SDK1: variants seen among roughly 807,000 people sequenced by gnomAD.
SDK1 encodes the protein protein sidekick-1.
Under a neutral mutation model 245.5 loss-of-function variants are expected in SDK1, and 157 were observed. That is an observed-to-expected ratio of 0.64 (90% CI 0.56 to 0.73). The LOEUF is 0.73. Ranked by LOEUF, SDK1 falls within the 30% of genes least tolerant of loss-of-function variation. SDK1 has a pLI of 0.00. For missense variants in SDK1, 3,583 were observed against 3,002.3 expected, an observed-to-expected ratio of 1.19 and a Z score of -4.52; for synonymous variants, 1,647 against 1,278.5, an observed-to-expected ratio of 1.29 and a Z score of -6.15.
chr7:4,174,359 T>A lies in SDK1; in HGVS notation c.4936+2T>A. ...TAGCTTTACATGCTGAGCTCACAGG[T>A]GAGACTGTCCCCTCTGTCCTGGTAC... is the stretch of plus-strand genomic sequence containing the variant. On this transcript the variant is annotated splice_donor_variant, in intron 33 of 44. Coordinates refer to ENST00000404826, the MANE Select transcript of SDK1 (RefSeq NM_152744.4). LOFTEE classifies it high-confidence loss of function. The A allele has an allele frequency of 6.2e-7, 1 of 1,613,566 alleles. No individual in the cohort carries two copies. Among genetic ancestry groups the A allele is most frequent in the Non-Finnish European group, 8.5e-7 (1 of 1,179,654 alleles).
intron 1 of SDK1, among the ~76,000 whole-genome samples, chr7:3,303,865 G>T (rs1051399918): frequency 6.6e-6 from 1 of 152,104 alleles, no homozygotes; most frequent in Admixed American, 6.5e-5. Context: ...ATTTCTGATG[G>T]GATGATGAGT....
In SDK1 at chr7:3,422,292, GA is replaced by G. The variant is rs533197980; in HGVS notation, c.298+120418del. Reference sequence around the variant, plus strand: ...TTATTCTAACTTTGAATCCTTTCAGGAAAAAAAAAATTTAGAAAATACTTAA... The same window carrying G: ...TTATTCTAACTTTGAATCCTTTCAGGAAAAAAAAATTTAGAAAATACTTAA... On this transcript the variant is annotated intron_variant, in intron 1 of 44. Transcript: ENST00000404826. 2.0e-3 allele frequency among the ~76,000 whole-genome samples: 303 copies of G among 150,070 alleles called. 6 individuals are homozygous for G. The highest frequency in any genetic ancestry group is 2.5e-3 in the South Asian group (12 of 4,734).
intron 5 of SDK1, among the ~76,000 whole-genome samples, chr7:3,822,971 G>A (rs1779683339): frequency 6.6e-6 from 1 of 152,060 alleles, no homozygotes; most frequent in Admixed American, 6.5e-5. Context: ...TGGCCGTGAT[G>A]TGCTGTCATC....
rs962659036 is a variant in SDK1 at position 3,349,156 on chromosome 7, C to A, written c.298+47272C>A. On this transcript the variant is annotated intron_variant, in intron 1 of 44. Coordinates refer to ENST00000404826, the MANE Select transcript of SDK1 (RefSeq NM_152744.4). ...TTCTGCTGCCTCCTTCCTCAGTCCC[C>A]CATTGCCTTCAGCTGCCCTGTGGTT... is the stretch of plus-strand genomic sequence containing the variant. 4.4e-4 allele frequency among the ~76,000 whole-genome samples: 66 copies of A among 151,514 alleles called. 1 individual carries two copies. The highest frequency in any genetic ancestry group is 1.3e-4 in the Non-Finnish European group (9 of 67,956).
intron 1 of SDK1, among the ~76,000 whole-genome samples, chr7:3,464,549 C>G (rs1263056421): frequency 1.3e-5 from 2 of 152,104 alleles, no homozygotes; most frequent in African/African-American, 4.8e-5. Context: ...AAAGTTAACA[C>G]TTGAAATGCC....
intron 5 of SDK1, among the ~76,000 whole-genome samples, chr7:3,888,961 A>C (rs527237568): frequency 6.6e-6 from 1 of 152,320 alleles, no homozygotes; most frequent in South Asian, 2.1e-4. Flanking sequence ...TTAAAAGTGG[A>C]GATCTAGGAA....
intron 31 of SDK1, among the ~76,000 whole-genome samples, chr7:4,160,687 C>T (rs1005888737): frequency 6.6e-6 from 1 of 152,286 alleles, no homozygotes; most frequent in Non-Finnish European, 1.5e-5. Context: ...AACTCAAGGA[C>T]ATTGAGAACT....
At chr7:3,806,810 T>C (rs1779261336) in intron 4 of SDK1, among the ~76,000 whole-genome samples, 1 of 151,748 alleles carries the variant, frequency 6.6e-6, no homozygotes. Flanking sequence ...ACGGGAAAAG[T>C]AGCTGCTGCC....
rs527817144 is a variant in SDK1 at position 3,529,691 on chromosome 7, T to C, written c.299-89389T>C. ...TTATTAATAGACACTAACGTTGGTG[T>C]GAGGATGTTTGATGAGAAACAGAAT... is the stretch of plus-strand genomic sequence containing the variant. On this transcript the variant is annotated intron_variant, in intron 1 of 44. Coordinates refer to ENST00000404826, the MANE Select transcript of SDK1 (RefSeq NM_152744.4). Among the ~76,000 whole-genome samples, 368 of 152,102 alleles carry C rather than the reference T, an allele frequency of 2.4e-3. 3 individuals are homozygous for C. Among genetic ancestry groups the C allele is most frequent in the South Asian group, 0.018 (87 of 4,818 alleles).
chr7:3,878,144 G>A (rs1316259929), intron 5 of SDK1, among the ~76,000 whole-genome samples: 2 of 152,190 alleles, frequency 1.3e-5, no homozygotes, highest in African/African-American at 4.8e-5. Context: ...ATAAATGAGA[G>A]AAGTTTCTCC....
chr7:3,548,389 G>T (rs1463356440), intron 1 of SDK1, among the ~76,000 whole-genome samples: 1 of 152,052 alleles, frequency 6.6e-6, no homozygotes, highest in Non-Finnish European at 1.5e-5. Context: ...CTTAAACCTG[G>T]GTCTGTCTTA....
At position 4,208,104 on chromosome 7, in the gene SDK1, C is replaced by T. The variant is rs1784326612; in HGVS notation, c.5220C>T (p.Tyr1740=). 2.5e-6 allele frequency: 4 copies of T among 1,612,088 alleles called. No homozygotes were observed. Among genetic ancestry groups the T allele is most frequent in the Non-Finnish European group, 3.4e-6 (4 of 1,179,106 alleles). The change falls in exon 37 of 45, where the codon TAC becomes TAT. Residue 1740 remains tyrosine (Y), a synonymous_variant. Coordinates refer to ENST00000404826, the MANE Select transcript of SDK1 (RefSeq NM_152744.4). The part of the protein sequence containing the change: ...QNGNIQGYKI[Y]YWEADSQNET... ...CCTCTTGCTGTTCCTAACAGATTTA[C>T]TACTGGGAGGCAGACAGCCAGAACG...
chr7:3,725,172 G>A (rs1180161963), intron 4 of SDK1, among the ~76,000 whole-genome samples: 1 of 152,134 alleles, frequency 6.6e-6, no homozygotes, highest in Admixed American at 6.5e-5. Flanking sequence ...AATTGCTAGG[G>A]ACTTTCTTGC....
intron 5 of SDK1, among the ~76,000 whole-genome samples, chr7:3,883,748 C>T (rs1405739575): frequency 6.9e-6 from 1 of 144,020 alleles, no homozygotes. Context: ...ATCACTCTTC[C>T]TCCACGGTGG....
intron 5 of SDK1, among the ~76,000 whole-genome samples, chr7:3,861,490 A>T (rs891513289): frequency 2.6e-5 from 4 of 151,932 alleles, no homozygotes; most frequent in African/African-American, 9.7e-5. Flanking sequence ...GTTTCCACTG[A>T]CCCCCTGCTG....
chr7:4,220,879 AC>A (rs1042739248), intron 39 of SDK1, among the ~76,000 whole-genome samples: 2 of 135,214 alleles, frequency 1.5e-5, no homozygotes, highest in African/African-American at 5.4e-5. Context: ...CTGAAGCGAT[AC>A]CCCCACCCCC....
At chr7:4,229,894 T>C (rs2128234928) in intron 40 of SDK1, among the ~76,000 whole-genome samples, 1 of 152,072 alleles carries the variant, frequency 6.6e-6, no homozygotes, top group Admixed American at 6.6e-5. Context: ...TTATTATTTA[T>C]TGAAAGCCTG....
rs200981938 is a variant in SDK1, at chr7:4,052,179, C to T, written c.2911+349C>T. ...ACCTGCTTCCATGATCCCCCCCCCCCCGACGTCCCCCAGCCCATTCTTTCC... is the reference window on the plus strand; with the variant it reads ...ACCTGCTTCCATGATCCCCCCCCCCTCGACGTCCCCCAGCCCATTCTTTCC... On this transcript the variant is annotated intron_variant, in intron 19 of 44. Coordinates refer to ENST00000404826, the MANE Select transcript of SDK1 (RefSeq NM_152744.4). Among the ~76,000 whole-genome samples the T allele has an allele frequency of 8.0e-4, 99 of 123,870 alleles. 2 individuals are homozygous for T. In the East Asian group the frequency reaches 0.018, roughly 22 times the overall value. 81.3% of individuals were successfully genotyped at this position (123,870 alleles called of 152,430 possible).
At chr7:4,157,129 G>A (rs187479498) in intron 30 of SDK1, among the ~76,000 whole-genome samples, 39 of 152,240 alleles carry the variant, frequency 2.6e-4, no homozygotes, top group African/African-American at 7.9e-4. Flanking sequence ...GTCCCTGACC[G>A]GCTGGGGCTT....
Sources: allele counts gnomAD v4.1 joint callset (sites outside exome capture counted in the v4.1 genomes callset), GRCh38; gene constraint gnomAD v4.1.1; transcripts MANE v1.5; gene names NCBI Gene and HGNC (gene_info 2026-07-23, HGNC 2026-07-21).